The following SNTG1 variants were observed in gnomAD, a reference collection of about 807,000 sequenced individuals.
The protein encoded by SNTG1 is gamma-1-syntrophin.
SNTG1 carries 39 observed loss-of-function variants against 74.7 expected under a neutral mutation model. The ratio of observed to expected loss-of-function variants is 0.52; its 90% CI spans 0.40 to 0.68. The LOEUF is 0.68. SNTG1 is among the 30% of genes least tolerant of loss of function. The pLI, the probability that SNTG1 is intolerant of heterozygous loss-of-function variation, is 0.00. For missense variants in SNTG1, 685 were observed against 609.5 expected (o/e 1.12, Z -1.30); for synonymous variants, 254 against 217.1 (o/e 1.17, Z -1.49).
intron 2 of SNTG1, among the ~76,000 whole-genome samples, chr8:50,292,132 T>C (rs1197526605): frequency 6.6e-6 from 1 of 152,132 alleles, no homozygotes; most frequent in Non-Finnish European, 1.5e-5. Context: ...CATCAGTATA[T>C]AGAGACAGCA....
chr8:49,935,533 A>C (rs539883105), intron 1 of SNTG1, among the ~76,000 whole-genome samples: 1 of 151,730 alleles, frequency 6.6e-6, no homozygotes, highest in African/African-American at 2.4e-5. Flanking sequence ...CAAAAAAAAA[A>C]AAAAAAGAAA....
rs4873394 is a variant in SNTG1 at position 49,938,607 on chromosome 8, C to T, written c.-103+26376C>T. On this transcript the variant is annotated intron_variant, in intron 1 of 18. Coordinates refer to ENST00000642720, the MANE Select transcript of SNTG1 (RefSeq NM_018967.5). ...CTTTTCTTTTCTTTTCTTTTCTTTT[C>T]TTTCTTTCTTTCTTTCTTTCTTTCT... is the stretch of plus-strand genomic sequence containing the variant. Among the ~76,000 whole-genome samples the T allele has an allele frequency of 5.5e-3, 153 of 27,832 alleles. 1 individual carries two copies. The highest frequency in any genetic ancestry group is 0.019 in the Middle Eastern group (1 of 54). 18.3% of individuals were successfully genotyped at this position (27,832 alleles called of 152,430 possible). A position where few individuals can be genotyped will look rare whatever the true frequency, so the allele number is the denominator to read the frequency against.
chr8:50,695,502 A>G (rs1036177402), intron 15 of SNTG1, among the ~76,000 whole-genome samples: 6 of 151,544 alleles, frequency 4.0e-5, no homozygotes, highest in African/African-American at 1.5e-4. Context: ...TTATTTATTT[A>G]TTTATACTTA....
intron 17 of SNTG1, among the ~76,000 whole-genome samples, chr8:50,742,045 C>T (rs1034245665): frequency 3.3e-5 from 5 of 151,842 alleles, no homozygotes; most frequent in Non-Finnish European, 5.9e-5. Flanking sequence ...AATGTAGGTT[C>T]GTAGATTATA....
chr8:50,095,294 C>T (rs1016347411), intron 1 of SNTG1, among the ~76,000 whole-genome samples: 1 of 152,018 alleles, frequency 6.6e-6, no homozygotes, highest in Admixed American at 6.6e-5. Context: ...CACACATACC[C>T]CCAAACCTAC....
At chr8:50,689,383 T>A (rs1352221724) in intron 15 of SNTG1, among the ~76,000 whole-genome samples, 3 of 152,116 alleles carry the variant, frequency 2.0e-5, no homozygotes, top group Non-Finnish European at 4.4e-5. Flanking sequence ...TGGCTGTGGG[T>A]TTGTCATAGA....
chr8:50,227,504 G>A (rs114837012), intron 2 of SNTG1, among the ~76,000 whole-genome samples: 2,326 of 152,176 alleles, frequency 0.015, 45 homozygotes, highest in African/African-American at 0.043. Flanking sequence ...TAGCTTTCCT[G>A]CATCACCTAA....
chr8:50,028,487 C>T (rs1047574387), intron 1 of SNTG1, among the ~76,000 whole-genome samples: 22 of 151,272 alleles, frequency 1.5e-4, no homozygotes, highest in African/African-American at 5.3e-4. Context: ...TGTGCCATTG[C>T]TAGGTGATAT....
intron 16 of SNTG1, among the ~76,000 whole-genome samples, chr8:50,705,671 T>C (rs904999483): frequency 3.9e-5 from 6 of 152,212 alleles, no homozygotes; most frequent in African/African-American, 1.4e-4. Flanking sequence ...TATCTTATCA[T>C]GTGCCAACCA....
chr8:50,164,832 C>T (rs557925713), intron 1 of SNTG1, among the ~76,000 whole-genome samples: 2 of 152,218 alleles, frequency 1.3e-5, no homozygotes, highest in African/African-American at 4.8e-5. Flanking sequence ...TGCTCCTTGG[C>T]TTTATTAAAT....
In SNTG1 at chr8:50,103,167, C is replaced by T. The variant is rs370242669; in HGVS notation, c.-102-69394C>T. ...ACCTTGGGCCGTATGGCCATTTTCACGATATTGATTCTTCCTACCCATGAG... is the reference window on the plus strand; with the variant it reads ...ACCTTGGGCCGTATGGCCATTTTCATGATATTGATTCTTCCTACCCATGAG... On this transcript the variant is annotated intron_variant, in intron 1 of 18. Coordinates refer to ENST00000642720, the MANE Select transcript of SNTG1 (RefSeq NM_018967.5). Among the ~76,000 whole-genome samples the T allele has an allele frequency of 4.5e-3, 684 of 152,240 alleles. 4 individuals are homozygous for T. Among genetic ancestry groups the T allele is most frequent in the African/African-American group, 0.014 (597 of 41,534 alleles).
intron 1 of SNTG1, among the ~76,000 whole-genome samples, chr8:50,143,885 C>T (rs533936097): frequency 4.3e-4 from 66 of 152,302 alleles, no homozygotes; most frequent in African/African-American, 1.6e-3. Flanking sequence ...TTAAAAGTTA[C>T]ATCATATACC....
intron 17 of SNTG1, among the ~76,000 whole-genome samples, chr8:50,744,933 A>C (rs1250441938): frequency 6.6e-6 from 1 of 152,030 alleles, no homozygotes; most frequent in Non-Finnish European, 1.5e-5. Context: ...TGTAAGAGTT[A>C]AAATGATAAA....
At chr8:49,913,909 C>T (rs1256828036) in intron 1 of SNTG1, among the ~76,000 whole-genome samples, 1 of 152,170 alleles carries the variant, frequency 6.6e-6, no homozygotes, top group Admixed American at 6.5e-5. Flanking sequence ...GTTCCCTCCT[C>T]AGGGGCAGAG....
chr8:50,264,734 C>T (rs868339225), intron 2 of SNTG1, among the ~76,000 whole-genome samples: 12 of 151,156 alleles, frequency 7.9e-5, no homozygotes, highest in East Asian at 5.8e-4. Flanking sequence ...AAAACACCTG[C>T]GAAATTATAA....
intron 8 of SNTG1, among the ~76,000 whole-genome samples, chr8:50,452,046 T>C (rs1466248822): frequency 6.6e-6 from 1 of 152,218 alleles, no homozygotes; most frequent in Admixed American, 6.5e-5. Context: ...ACTATGTTGA[T>C]ACATTTCACA....
chr8:50,064,809 A>C (rs374437785), intron 1 of SNTG1, among the ~76,000 whole-genome samples: 8 of 152,182 alleles, frequency 5.3e-5, no homozygotes, highest in African/African-American at 1.9e-4. Flanking sequence ...TAGCTTCTCA[A>C]GGAGCTGACT....
intron 18 of SNTG1, among the ~76,000 whole-genome samples, chr8:50,759,810 AT>A (rs1465995017): frequency 6.6e-6 from 1 of 151,974 alleles, no homozygotes; most frequent in Non-Finnish European, 1.5e-5. Context: ...TTTGCTTAGG[AT>A]TGTCCTGGCT....
At chr8:50,026,895 A>G (rs1195977248) in intron 1 of SNTG1, among the ~76,000 whole-genome samples, 3 of 152,198 alleles carry the variant, frequency 2.0e-5, no homozygotes, top group Non-Finnish European at 1.5e-5. Flanking sequence ...AAACATGTAG[A>G]TAAGTCAAGG....
Sources: gnomAD v4.1 joint callset for allele counts (sites outside exome capture counted in the v4.1 genomes callset) on GRCh38, gnomAD v4.1.1 for gene constraint, MANE v1.5 for transcripts, NCBI Gene and HGNC (gene_info 2026-07-23, HGNC 2026-07-21) for gene names.